The following ASAH2B variants were observed in gnomAD, a reference collection of about 807,000 sequenced individuals.
ASAH2B encodes the protein N-acylsphingosine amidohydrolase 2B.
A neutral mutation model predicts 2.9 loss-of-function variants in ASAH2B; 1 was observed. That is an observed-to-expected ratio of 0.34 (90% CI 0.12 to 1.63). The LOEUF (loss-of-function observed/expected upper bound fraction) is 1.63. ASAH2B is among the 40% of genes most tolerant of loss of function. The pLI, the probability that ASAH2B is intolerant of heterozygous loss-of-function variation, is 0.36. For synonymous variants in ASAH2B, 4 were observed against 13.3 expected (o/e 0.30, Z 1.52); for missense variants, 9 against 37.7 (o/e 0.24, Z 1.99).
intron 3 of ASAH2B, among the ~76,000 whole-genome samples, chr10:50,747,759 A>C (rs1300335740): frequency 5.3e-5 from 8 of 152,020 alleles, no homozygotes; most frequent in African/African-American, 1.7e-4. Flanking sequence ...GTCATGGTGT[A>C]TAATCCTTTT....
intron 2 of ASAH2B, among the ~76,000 whole-genome samples, chr10:50,744,427 A>G (rs1289342451): frequency 1.3e-5 from 2 of 151,680 alleles, no homozygotes; most frequent in Non-Finnish European, 2.9e-5. Flanking sequence ...TACATAACCT[A>G]TCTCATATCA....
chr10:50,758,647 CG>C lies in ASAH2B; in HGVS notation c.*3908del, dbSNP rs1837143039. ...AAAAGAACACACATTGGAATAATGA[CG>C]AAAAAAATTGCTTTCTGTATTGCAA... On this transcript the variant is annotated 3_prime_UTR_variant, in exon 6 of 6. Coordinates refer to ENST00000647317, the MANE Select transcript of ASAH2B (RefSeq NM_001321958.2). The C allele has an allele frequency of 6.6e-6, 1 of 151,172 alleles. No individual in the cohort carries two copies. Among genetic ancestry groups the C allele is most frequent in the African/African-American group, 2.4e-5 (1 of 41,232 alleles). The allele number at this position is 151,172 out of a possible 1,614,324, so 9.4% of individuals were successfully genotyped here. A position where few individuals can be genotyped will look rare whatever the true frequency, so the allele number is the denominator to read the frequency against.
At position 50,755,581 on chromosome 10, in the gene ASAH2B, G is replaced by A. The variant is rs1010496772; in HGVS notation, c.*841G>A. 3 of 151,472 alleles carry A rather than the reference G, an allele frequency of 2.0e-5. No individual in the cohort carries two copies. The highest frequency in any genetic ancestry group is 4.4e-5 in the Non-Finnish European group (3 of 67,780). 9.4% of individuals were successfully genotyped at this position (151,472 alleles called of 1,614,324 possible). A position where few individuals can be genotyped will look rare whatever the true frequency, so the allele number is the denominator to read the frequency against. On this transcript the variant is annotated 3_prime_UTR_variant, in exon 6 of 6. Coordinates refer to ENST00000647317, the MANE Select transcript of ASAH2B (RefSeq NM_001321958.2). ...AATCAAATTCACCCCAAACCAGAAA[G>A]TTTTGCCATTAGCGTAGATATTAAA...
intron 1 of ASAH2B, among the ~76,000 whole-genome samples, chr10:50,741,299 A>T (rs923563866): frequency 1.3e-5 from 2 of 152,158 alleles, no homozygotes; most frequent in African/African-American, 4.8e-5. Flanking sequence ...TAATTACTTC[A>T]TTCATTCAAC....
rs1291438912 is a variant in ASAH2B at position 50,755,926 on chromosome 10, G to T, written c.*1186G>T. 1 of 150,958 alleles carries T rather than the reference G, an allele frequency of 6.6e-6. No individual in the cohort carries two copies. Among genetic ancestry groups the T allele is most frequent in the Non-Finnish European group, 1.5e-5 (1 of 67,478 alleles). 9.4% of individuals were successfully genotyped at this position (150,958 alleles called of 1,614,324 possible). On this transcript the variant is annotated 3_prime_UTR_variant, in exon 6 of 6. Transcript: ENST00000647317. ...TCATCTGTGTTGGATACTCTAATTT[G>T]GGGGGAAAGAGGCTCCAGACAGTTT...
At chr10:50,742,049 A>G (rs529061004) in intron 1 of ASAH2B, among the ~76,000 whole-genome samples, 1 of 152,316 alleles carries the variant, frequency 6.6e-6, no homozygotes, top group African/African-American at 2.4e-5. Context: ...TGATGAAATA[A>G]TCTGTATAAC....
intron 2 of ASAH2B, chr10:50,743,654 A>G (rs1248907161): frequency 6.6e-6 from 1 of 151,660 alleles, no homozygotes; most frequent in Non-Finnish European, 1.5e-5. Context: ...ACCACTGAAC[A>G]AGTTTACTTG....
Position 50,742,910 on chromosome 10 carries a change from T to C in ASAH2B, c.-99-5T>C. ...CATATACAACTCTCCCTGCCTTTCC[T>C]GCAGGCTCAGCGATATGAGGCAGCA... is the stretch of plus-strand genomic sequence containing the variant. On this transcript the variant is annotated splice_polypyrimidine_tract_variant and splice_region_variant and intron_variant, in intron 1 of 5. Transcript: ENST00000647317. The C allele has an allele frequency of 6.2e-7, 1 of 1,613,952 alleles. No homozygotes were observed. Among genetic ancestry groups the C allele is most frequent in the East Asian group, 2.2e-5 (1 of 44,886 alleles).
chr10:50,743,043 C>CGTGCGT (rs1554804804), intron 2 of ASAH2B, 33 bp downstream of exon 2: 1 of 1,351,804 alleles, frequency 7.4e-7, no homozygotes, highest in African/African-American at 1.5e-5. Flanking sequence ...TGCGTGCGTG[C>CGTGCGT]GTGTGTGTGT....
At chr10:50,754,255 A>G (rs1344821660) in intron 5 of ASAH2B, among the ~76,000 whole-genome samples, 3 of 146,888 alleles carry the variant, frequency 2.0e-5, no homozygotes, top group Non-Finnish European at 3.0e-5. Flanking sequence ...CTACAGCAGG[A>G]GAGACATCTT....
At chr10:50,742,477 C>T in intron 1 of ASAH2B, among the ~76,000 whole-genome samples, 1 of 152,148 alleles carries the variant, frequency 6.6e-6, no homozygotes, top group Non-Finnish European at 1.5e-5. Context: ...GCATTTGGCT[C>T]AATTTCATGG....
intron 5 of ASAH2B, among the ~76,000 whole-genome samples, chr10:50,753,923 A>G: frequency 9.0e-6 from 1 of 111,554 alleles, no homozygotes; most frequent in Non-Finnish European, 1.8e-5. Context: ...TTTAAATGAC[A>G]TCTCCCTAAA....
At chr10:50,752,977 A>G (rs1394622623) in intron 5 of ASAH2B, among the ~76,000 whole-genome samples, 1 of 104,234 alleles carries the variant, frequency 9.6e-6, no homozygotes, top group African/African-American at 2.7e-5. Flanking sequence ...ATGTTTGTAT[A>G]TGATCAATGA....
chr10:50,745,884 T>C, intron 3 of ASAH2B, among the ~76,000 whole-genome samples: 1 of 151,164 alleles, frequency 6.6e-6, no homozygotes, highest in Non-Finnish European at 1.5e-5. Context: ...ATAAAAATTA[T>C]ATATATTTAT....
At chr10:50,745,679 GA>G (rs1839895331) in intron 3 of ASAH2B, among the ~76,000 whole-genome samples, 1 of 148,032 alleles carries the variant, frequency 6.8e-6, no homozygotes, top group African/African-American at 2.6e-5. Flanking sequence ...GGAGGGATGA[GA>G]AGAGGGGAGT....
At chr10:50,748,766 A>G (rs375878568) in intron 3 of ASAH2B, among the ~76,000 whole-genome samples, 1 of 150,584 alleles carries the variant, frequency 6.6e-6, no homozygotes, top group South Asian at 2.1e-4. Flanking sequence ...CGTGGCCCGT[A>G]AACTGATGAC....
chr10:50,751,634 G>A (rs1328722296), intron 4 of ASAH2B, among the ~76,000 whole-genome samples: 1 of 151,652 alleles, frequency 6.6e-6, no homozygotes, highest in Non-Finnish European at 1.5e-5. Context: ...CAATTACATG[G>A]CCCACATGTA....
chr10:50,746,840 A>G (rs117767619), intron 3 of ASAH2B, among the ~76,000 whole-genome samples: 3,157 of 151,254 alleles, frequency 0.021, 103 homozygotes, highest in African/African-American at 0.031. Flanking sequence ...CTTATTTTCA[A>G]ATTGGGTTAT....
chr10:50,742,398 T>C (rs1053780819), intron 1 of ASAH2B, among the ~76,000 whole-genome samples: 1 of 152,026 alleles, frequency 6.6e-6, no homozygotes, highest in Non-Finnish European at 1.5e-5. Context: ...AGTGGTGAGG[T>C]TGGTTTTAGA....
Sources: gnomAD v4.1 joint callset for allele counts (sites outside exome capture counted in the v4.1 genomes callset) on GRCh38, gnomAD v4.1.1 for gene constraint, MANE v1.5 for transcripts, NCBI Gene and HGNC (gene_info 2026-07-23, HGNC 2026-07-21) for gene names.